The following RBBP8 variants were observed in gnomAD, a reference collection of about 807,000 sequenced individuals.
RBBP8 encodes DNA endonuclease RBBP8.
RBBP8 carries 88 observed loss-of-function variants against 108.3 expected under a neutral mutation model. The observed-to-expected ratio is 0.81, with a 90% CI of 0.68 to 0.97. The LOEUF is 0.97. Among genes scored for constraint, RBBP8 ranks in the 50% least tolerant of loss-of-function variants. The pLI, the probability that RBBP8 is intolerant of heterozygous loss-of-function variation, is 0.00. For synonymous variants in RBBP8, 332 were observed against 348.2 expected, an observed-to-expected ratio of 0.95 and a Z score of 0.52; for missense variants, 1,023 against 1,049.0, an observed-to-expected ratio of 0.98 and a Z score of 0.34.
At chr18:22,998,378 A>G (rs780776763) in intron 14 of RBBP8, among the ~76,000 whole-genome samples, 3 of 152,202 alleles carry the variant, frequency 2.0e-5, no homozygotes, top group African/African-American at 7.2e-5. Flanking sequence ...TTAGTGGTCT[A>G]CAGCCCTTTG....
At chr18:23,002,038 G>A (rs193274017) in intron 15 of RBBP8, among the ~76,000 whole-genome samples, 71 of 152,120 alleles carry the variant, frequency 4.7e-4, no homozygotes, top group African/African-American at 1.3e-3. Context: ...TTCTAAATAC[G>A]CATAAAATTG....
intron 1 of RBBP8, chr18:22,934,319 ATGTTTTGTTTTT>A (rs1910309358): frequency 1.3e-5 from 2 of 149,680 alleles, no homozygotes; most frequent in Non-Finnish European, 1.5e-5. Flanking sequence ...TTTTGTTTTT[ATGTTTTGTTTTT>A]AAGGCACTGT....
Position 22,938,115 on chromosome 18 carries a change from C to T in RBBP8, c.109+1155C>T, listed in dbSNP as rs75029678. On this transcript the variant is annotated intron_variant, in intron 2 of 18. Coordinates refer to ENST00000327155, the MANE Select transcript of RBBP8 (RefSeq NM_002894.3). ...GTGCTAGGATTACAGGTGTCCGCTG[C>T]TGTGCCCAGCTGATCTTTTTTTCTT... 5.9e-3 allele frequency among the ~76,000 whole-genome samples: 891 copies of T among 152,072 alleles called. 9 individuals carry two copies. Among genetic ancestry groups the T allele is most frequent in the South Asian group, 0.028 (136 of 4,816 alleles).
chr18:22,917,314 C>A (rs1909399902), intron 3 of RBBP8, among the ~76,000 whole-genome samples: 2 of 152,204 alleles, frequency 1.3e-5, no homozygotes, highest in Non-Finnish European at 2.9e-5. Context: ...TACTGAAAAG[C>A]ATGTGAGCTT....
At chr18:22,991,102 A>T in intron 10 of RBBP8, 53 bp downstream of exon 10, 1 of 1,240,934 alleles carries the variant, frequency 8.1e-7, no homozygotes, top group Non-Finnish European at 1.2e-6. Flanking sequence ...AGATCCCATT[A>T]CAATGAATTT....
intron 14 of RBBP8, 87 bp from the exon 15 acceptor site, chr18:23,001,499 T>C (rs2045946220): frequency 6.9e-7 from 1 of 1,439,978 alleles, no homozygotes; most frequent in Non-Finnish European, 9.8e-7. Flanking sequence ...CATTCTGTTA[T>C]TGTGTGGTAG....
chr18:22,961,359 G>A (rs540482297), intron 4 of RBBP8, among the ~76,000 whole-genome samples: 92 of 152,294 alleles, frequency 6.0e-4, no homozygotes, highest in Non-Finnish European at 1.2e-3. Flanking sequence ...TGCTGATGAT[G>A]AAACTTATTG....
chr18:22,964,417 T>TG lies in RBBP8; in HGVS notation c.249-4388dup, dbSNP rs148032921. ...TTTCAGTCCTTTAAGTAGTGGGCCA[T>TG]GTTCTTGATTTTCTTCACTATTCCC... On this transcript the variant is annotated intron_variant, in intron 4 of 18. Transcript: ENST00000327155. 1.5e-3 allele frequency among the ~76,000 whole-genome samples: 228 copies of TG among 149,206 alleles called. 1 individual carries two copies. The highest frequency in any genetic ancestry group is 5.3e-3 in the African/African-American group (217 of 41,014).
At chr18:22,954,393 A>G (rs1485836380) in intron 4 of RBBP8, among the ~76,000 whole-genome samples, 1 of 152,230 alleles carries the variant, frequency 6.6e-6, no homozygotes, top group East Asian at 1.9e-4. Context: ...TGCAGGCCCC[A>G]TGCAAATCCA....
intron 4 of RBBP8, among the ~76,000 whole-genome samples, chr18:22,956,582 C>CT (rs1293796958): frequency 1.3e-5 from 2 of 152,182 alleles, no homozygotes; most frequent in African/African-American, 4.8e-5. Context: ...AGTGATCCTC[C>CT]TGCCTTGGCC....
intron 18 of RBBP8, 27 bp from the exon 19 acceptor site, chr18:23,026,116 C>A: frequency 6.5e-7 from 1 of 1,549,908 alleles, no homozygotes; most frequent in South Asian, 1.1e-5. Context: ...CACATACAGT[C>A]TTCTAAGTTT....
chr18:22,951,466 GA>G (rs904320747), intron 4 of RBBP8, among the ~76,000 whole-genome samples: 2 of 151,054 alleles, frequency 1.3e-5, no homozygotes, highest in African/African-American at 2.4e-5. Context: ...GATCTGTGTA[GA>G]AAAAAAAACC....
intron 2 of RBBP8, among the ~76,000 whole-genome samples, chr18:22,941,242 G>A (rs1047501989): frequency 3.9e-5 from 6 of 152,016 alleles, no homozygotes; most frequent in Non-Finnish European, 8.8e-5. Flanking sequence ...CATGATCGCA[G>A]CTCACTGCAA....
chr18:23,012,012 G>A (rs191551751), intron 16 of RBBP8, among the ~76,000 whole-genome samples: 1 of 151,878 alleles, frequency 6.6e-6, no homozygotes, highest in East Asian at 2.0e-4. Flanking sequence ...ACCAGCCTGG[G>A]CAACATGGAA....
At chr18:22,922,750 C>T (rs1211370409) in intron 3 of RBBP8, among the ~76,000 whole-genome samples, 2 of 152,150 alleles carry the variant, frequency 1.3e-5, no homozygotes, top group Admixed American at 1.3e-4. Context: ...CAGGCATGAG[C>T]CGCCGCACTT....
Position 22,982,365 on chromosome 18 carries a change from T to C in RBBP8, c.576T>C (p.Thr192=). The C allele has an allele frequency of 6.2e-7, 1 of 1,614,106 alleles. No individual in the cohort carries two copies. Among genetic ancestry groups the C allele is most frequent in the South Asian group, 1.1e-5 (1 of 91,084 alleles). The change falls in exon 7 of 19, where the codon ACT becomes ACC. Residue 192 remains threonine, a synonymous_variant. Coordinates refer to ENST00000327155, the MANE Select transcript of RBBP8 (RefSeq NM_002894.3). ...PHVRYIEQTH[T]KLEHSVCANE... is the part of the protein sequence containing the mutation. ...TCCGATACATAGAACAAACACATAC[T>C]AAATTGGAGCACTCTGTGTGTGCAA...
intron 3 of RBBP8, 148 bp downstream of exon 3, chr18:22,946,634 C>T (rs1911587691): frequency 2.6e-6 from 3 of 1,156,336 alleles, no homozygotes; most frequent in African/African-American, 1.6e-5. Flanking sequence ...TTAGTATGGG[C>T]CTTGGTAGTC....
chr18:22,923,986 A>AT (rs1909694662), intron 3 of RBBP8, among the ~76,000 whole-genome samples: 1 of 152,206 alleles, frequency 6.6e-6, no homozygotes, highest in African/African-American at 2.4e-5. Flanking sequence ...TGAGATGATT[A>AT]TAATAGGTGT....
At position 22,936,795 on chromosome 18, in the gene RBBP8, T is replaced by C. The variant is rs181038099; in HGVS notation, c.-57T>C. 7,913 of 1,606,132 alleles carry C rather than the reference T, an allele frequency of 4.9e-3. 39 individuals carry two copies. Among genetic ancestry groups the C allele is most frequent in the Middle Eastern group, 6.4e-3 (39 of 6,048 alleles). On this transcript the variant is annotated 5_prime_UTR_variant, in exon 2 of 19. The change abolishes the stop of an existing upstream ORF in the 5' untranslated region. Coordinates refer to ENST00000327155, the MANE Select transcript of RBBP8 (RefSeq NM_002894.3). ...AAGACGACTTGATACCTCTATAATGTAACAGAAAAGGTCAGAAAATATTAA... is the reference window on the plus strand; with the variant it reads ...AAGACGACTTGATACCTCTATAATGCAACAGAAAAGGTCAGAAAATATTAA...
Sources: allele counts gnomAD v4.1 joint callset (sites outside exome capture counted in the v4.1 genomes callset), GRCh38; gene constraint gnomAD v4.1.1; transcripts MANE v1.5; gene names NCBI Gene and HGNC (gene_info 2026-07-23, HGNC 2026-07-21).